ZNF541: variants seen among roughly 807,000 people sequenced by gnomAD.
ZNF541 encodes the protein zinc finger protein 541.
ZNF541 carries 23 observed loss-of-function variants against 123.5 expected under a neutral mutation model. The ratio of observed to expected loss-of-function variants is 0.19; its 90% CI spans 0.13 to 0.26. The LOEUF is 0.26. Among genes scored for constraint, ZNF541 ranks in the 10% least tolerant of loss-of-function variants. ZNF541 has a pLI of 1.00. For missense variants in ZNF541, 1,612 were observed against 1,789.9 expected (o/e 0.90, Z 1.79); for synonymous variants, 751 against 754.5 (o/e 1.00, Z 0.08).
chr19:47,543,583 C>T (rs1970174374), intron 5 of ZNF541, among the ~76,000 whole-genome samples: 1 of 149,740 alleles, frequency 6.7e-6, no homozygotes, highest in African/African-American at 2.4e-5. Context: ...AAAAAAAAAG[C>T]AAAAAAGGCT....
chr19:47,537,016 T>C (rs1225647971), intron 9 of ZNF541, among the ~76,000 whole-genome samples: 1 of 152,114 alleles, frequency 6.6e-6, no homozygotes, highest in East Asian at 1.9e-4. Context: ...TTACATGAAA[T>C]GTCCTGAATA....
intron 14 of ZNF541, 116 bp from the exon 15 acceptor site, chr19:47,522,110 G>T: frequency 7.3e-7 from 1 of 1,368,076 alleles, no homozygotes; most frequent in Non-Finnish European, 9.9e-7. Context: ...TCTTCCTTTG[G>T]CTTGGCGTTA....
At chr19:47,551,514 C>T (rs142468858) in intron 3 of ZNF541, among the ~76,000 whole-genome samples, 8 of 152,088 alleles carry the variant, frequency 5.3e-5, no homozygotes, top group African/African-American at 7.2e-5. Flanking sequence ...TGAGACTACA[C>T]GTGCACACCA....
chr19:47,545,358 G>A lies in ZNF541; in HGVS notation c.1171C>T (p.Pro391Ser). 6.5e-7 allele frequency: 1 copy of A among 1,541,788 alleles called. No individual in the cohort carries two copies. Among genetic ancestry groups the A allele is most frequent in the Non-Finnish European group, 8.8e-7 (1 of 1,142,482 alleles). ...CCTCGGAAGAGAGGCAGGCAGGCAG[G>A]CACGGAGCCGCCTTCGGGCCAGCAC... is the stretch of plus-strand genomic sequence containing the variant. Reference protein sequence around the residue: ...AECWPEGGSVPACLPLFRGQT... With the variant: ...AECWPEGGSVSACLPLFRGQT... Residue 391 changes from proline to serine, a missense_variant, in exon 5 of 17, where the codon CCT becomes TCT. Around this residue, in one of 5 missense-constraint regions of ZNF541, gnomAD observed 1,080 missense variants for 1,013.8 expected, o/e 1.07. Transcript: ENST00000391901. This position sits in a 1 kb window ranked among gnomAD's most constrained non-coding sequence, Gnocchi z 7.5.
At chr19:47,571,803 A>T (rs1460198441) in intron 2 of ZNF541, among the ~76,000 whole-genome samples, 93 bp downstream of exon 2, 1 of 152,196 alleles carries the variant, frequency 6.6e-6, no homozygotes, top group African/African-American at 2.4e-5. Context: ...ATTAGTACGG[A>T]CTTTGGTATT....
At chr19:47,546,141 G>A (rs574896316) in intron 4 of ZNF541, among the ~76,000 whole-genome samples, 161 bp from the exon 5 acceptor site, 2 of 151,412 alleles carry the variant, frequency 1.3e-5, no homozygotes, top group South Asian at 2.1e-4. Context: ...ACCCTGCTTC[G>A]GTCAAAGCCA....
At position 47,545,931 on chromosome 19, in the gene ZNF541, C is replaced by G. The variant is rs750537607; in HGVS notation, c.598G>C (p.Glu200Gln). The change falls in exon 5 of 17, where the codon GAG becomes CAG. Residue 200 changes from glutamate (E) to glutamine (Q), a missense_variant. By Grantham distance (29) the Glu-to-Gln change is conservative. Transcript: ENST00000391901. The surrounding 1 kb of genome is among the most constrained non-coding windows in gnomAD (Gnocchi z 7.5). ...HQKTKPFVCI[E>Q]QGCSKSYCDY... ...CAGTAGCTCTTGCTGCAGCCCTGCT[C>G]GATGCACACGAAGGGCTTTGTCTTC... 6 of 1,520,420 alleles carry G rather than the reference C, an allele frequency of 3.9e-6. No homozygotes were observed. The highest frequency in any genetic ancestry group is 1.4e-5 in the African/African-American group (1 of 72,310). The allele number at this position is 1,520,420 out of a possible 1,614,324, so 94.2% of individuals were successfully genotyped here. A position where few individuals can be genotyped will look rare whatever the true frequency, so the allele number is the denominator to read the frequency against.
intron 14 of ZNF541, 135 bp downstream of exon 14, chr19:47,528,815 G>A (rs1179666841): frequency 1.5e-6 from 1 of 651,572 alleles, no homozygotes; most frequent in Middle Eastern, 4.1e-4. Context: ...TTTTGACATT[G>A]TAAACTGTCT....
intron 14 of ZNF541, among the ~76,000 whole-genome samples, chr19:47,522,744 C>CTT (rs35868495): frequency 1.9e-4 from 21 of 112,440 alleles, no homozygotes; most frequent in Non-Finnish European, 2.3e-4. Context: ...TGCAGTGAGC[C>CTT]TTTTTTTTTT....
intron 9 of ZNF541, among the ~76,000 whole-genome samples, chr19:47,533,233 G>C (rs1415811910): frequency 1.3e-5 from 2 of 151,720 alleles, no homozygotes; most frequent in African/African-American, 4.8e-5. Flanking sequence ...GTAGCCGGGC[G>C]TGGTAGTGGG....
At chr19:47,531,915 G>A (rs934993705) in intron 11 of ZNF541, among the ~76,000 whole-genome samples, 170 bp from the exon 12 acceptor site, 3 of 152,174 alleles carry the variant, frequency 2.0e-5, no homozygotes, top group Non-Finnish European at 4.4e-5. Flanking sequence ...ACCCACTCCT[G>A]ATGGCCTGAC....
chr19:47,533,942 G>A (rs1309757647), intron 9 of ZNF541, among the ~76,000 whole-genome samples: 1 of 152,202 alleles, frequency 6.6e-6, no homozygotes, highest in East Asian at 1.9e-4. Flanking sequence ...AGCTCCAAGG[G>A]TTCTATTCCA....
intron 9 of ZNF541, among the ~76,000 whole-genome samples, chr19:47,534,019 G>T (rs1336495292): frequency 1.3e-5 from 2 of 152,050 alleles, no homozygotes; most frequent in Non-Finnish European, 2.9e-5. Context: ...TTAAAGGAAG[G>T]TATAATGACA....
At chr19:47,539,672 T>C (rs1969990098) in intron 8 of ZNF541, 33 bp downstream of exon 8, 1 of 1,378,736 alleles carries the variant, frequency 7.3e-7, no homozygotes, top group African/African-American at 1.5e-5. Flanking sequence ...CTGCGGGCAG[T>C]GGCAGGAAGG....
Position 47,544,766 on chromosome 19 carries a change from G to T in ZNF541, c.1763C>A (p.Ala588Asp). The T allele has an allele frequency of 2.7e-6, 4 of 1,508,084 alleles. No homozygotes were observed. Among genetic ancestry groups the T allele is most frequent in the Non-Finnish European group, 3.5e-6 (4 of 1,130,922 alleles). 93.4% of individuals were successfully genotyped at this position (1,508,084 alleles called of 1,614,324 possible). A position where few individuals can be genotyped will look rare whatever the true frequency, so the allele number is the denominator to read the frequency against. The change falls in exon 5 of 17, where the codon GCC (alanine) becomes GAC (aspartate). Residue 588 changes from alanine (A) to aspartate (D), a missense_variant. Ala to Asp is a moderately radical substitution (Grantham distance 126, BLOSUM62 -2). Transcript: ENST00000391901. ...CGGCCCCTGCAGCGGCCTCAGGGCG[G>T]CTGGTTTGCCCTCGGGCGCAGGGAG... ...SQLPAPEGKPAALRPLQGPWP... is the reference protein window; with the variant it reads ...SQLPAPEGKPDALRPLQGPWP...
chr19:47,559,228 TG>T (rs1205696338), intron 2 of ZNF541, among the ~76,000 whole-genome samples: 1 of 151,280 alleles, frequency 6.6e-6, no homozygotes, highest in Non-Finnish European at 1.5e-5. Flanking sequence ...AAAACTTAGC[TG>T]GGCATGATGG....
intron 12 of ZNF541, 34 bp from the exon 13 acceptor site, chr19:47,529,686 C>A: frequency 6.5e-7 from 1 of 1,545,446 alleles, no homozygotes. Flanking sequence ...TGCCCAGGAC[C>A]AGGTGGGGGA....
At chr19:47,559,108 C>A (rs188855025) in intron 2 of ZNF541, among the ~76,000 whole-genome samples, 6 of 151,742 alleles carry the variant, frequency 4.0e-5, no homozygotes, top group Non-Finnish European at 7.4e-5. Flanking sequence ...CAGTGGCTCA[C>A]GCCTGTAATC....
chr19:47,573,149 G>T (rs1043348843), upstream of ZNF541, among the ~76,000 whole-genome samples: 2 of 149,392 alleles, frequency 1.3e-5, no homozygotes, highest in East Asian at 2.0e-4. Flanking sequence ...GCGGCCTCCC[G>T]CCTTCCCCGC....
Sources: allele counts gnomAD v4.1 joint callset (sites outside exome capture counted in the v4.1 genomes callset), GRCh38; gene constraint gnomAD v4.1.1; regional missense constraint gnomAD v4.1.1; non-coding constraint Gnocchi (gnomAD v3.1); transcripts MANE v1.5; gene names NCBI Gene and HGNC (gene_info 2026-07-23, HGNC 2026-07-21).